The following LEKR1 variants were observed in gnomAD, a reference collection of about 807,000 sequenced individuals.
The protein encoded by LEKR1 is leucine, glutamate and lysine rich 1, also known as protein LEKR1.
Under a neutral mutation model 72.4 loss-of-function variants are expected in LEKR1, and 59 were observed. That is an observed-to-expected ratio of 0.82 (90% CI 0.66 to 1.01). LEKR1 has a LOEUF of 1.01. Ranked by LOEUF, LEKR1 falls within the 50% of genes least tolerant of loss-of-function variation. The probability of loss-of-function intolerance (pLI) is 0.00; values close to 1 mark genes in which losing one functional copy is unlikely to be tolerated. For missense variants in LEKR1, 728 were observed against 759.2 expected (o/e 0.96, Z 0.48); for synonymous variants, 257 against 263.2 (o/e 0.98, Z 0.23).
intron 6 of LEKR1, among the ~76,000 whole-genome samples, chr3:156,950,342 AT>A (rs1297074977): frequency 1.3e-5 from 2 of 151,434 alleles, no homozygotes; most frequent in African/African-American, 4.8e-5. Context: ...TTCCATATGA[AT>A]TTTTAAATAA....
chr3:156,834,015 A>C (rs1049422774), intron 2 of LEKR1, among the ~76,000 whole-genome samples: 1 of 151,814 alleles, frequency 6.6e-6, no homozygotes, highest in Non-Finnish European at 1.5e-5. Flanking sequence ...CCTTTTTATT[A>C]ATGTACTATT....
At chr3:156,872,362 T>A (rs1195681337) in intron 3 of LEKR1, among the ~76,000 whole-genome samples, 2 of 152,046 alleles carry the variant, frequency 1.3e-5, no homozygotes, top group Non-Finnish European at 2.9e-5. Context: ...GTTTGTCAAT[T>A]TTGTTTATCT....
intron 3 of LEKR1, among the ~76,000 whole-genome samples, chr3:156,909,000 C>A (rs1032770850): frequency 6.6e-6 from 1 of 152,094 alleles, no homozygotes; most frequent in Non-Finnish European, 1.5e-5. Context: ...ATCATGGGGG[C>A]AGTTTCCCCC....
chr3:156,827,036 TG>T (rs1243531348), intron 1 of LEKR1: 1 of 153,668 alleles, frequency 6.5e-6, no homozygotes. Context: ...CTGCACCTCT[TG>T]CCAAAGTGCG....
intron 5 of LEKR1, among the ~76,000 whole-genome samples, chr3:156,936,467 C>A (rs9289972): frequency 0.17 from 11,694 of 69,998 alleles, 564 homozygotes; most frequent in Middle Eastern, 0.3. Flanking sequence ...ACACACACAC[C>A]CCCCGTATGC....
chr3:156,957,311 G>A (rs1301835253), intron 6 of LEKR1, among the ~76,000 whole-genome samples: 1 of 151,968 alleles, frequency 6.6e-6, no homozygotes, highest in Non-Finnish European at 1.5e-5. Flanking sequence ...AATTATATGT[G>A]TAATATAATT....
At chr3:156,872,664 G>T (rs1455158786) in intron 3 of LEKR1, among the ~76,000 whole-genome samples, 1 of 151,936 alleles carries the variant, frequency 6.6e-6, no homozygotes, top group African/African-American at 2.4e-5. Flanking sequence ...TTGTTTCAAA[G>T]AAGTTTTTTA....
intron 2 of LEKR1, among the ~76,000 whole-genome samples, chr3:156,844,688 G>A (rs1403889731): frequency 6.6e-6 from 1 of 152,054 alleles, no homozygotes; most frequent in Non-Finnish European, 1.5e-5. Context: ...TGTATCAATA[G>A]TTTATTCCTT....
intron 2 of LEKR1, among the ~76,000 whole-genome samples, chr3:156,833,547 A>C (rs1025547421): frequency 6.6e-6 from 1 of 152,194 alleles, no homozygotes. Context: ...TCTGGAACAC[A>C]TACCAATAAC....
At chr3:156,933,398 T>A (rs1355839433) in intron 5 of LEKR1, among the ~76,000 whole-genome samples, 1 of 152,180 alleles carries the variant, frequency 6.6e-6, no homozygotes, top group African/African-American at 2.4e-5. Flanking sequence ...TCCAAAGTGG[T>A]TGTTCCTTTC....
At chr3:156,893,387 G>A (rs1409392021) in intron 3 of LEKR1, among the ~76,000 whole-genome samples, 2 of 152,126 alleles carry the variant, frequency 1.3e-5, no homozygotes, top group East Asian at 3.8e-4. Context: ...AAAAATAATA[G>A]CATTCAGCTA....
intron 4 of LEKR1, among the ~76,000 whole-genome samples, chr3:156,922,261 A>C (rs991972594): frequency 6.6e-6 from 1 of 152,122 alleles, no homozygotes; most frequent in East Asian, 1.9e-4. Flanking sequence ...GAGTTCAGTG[A>C]CTTTTGTTGC....
At chr3:156,851,596 C>A (rs1715373288) in intron 2 of LEKR1, among the ~76,000 whole-genome samples, 1 of 151,848 alleles carries the variant, frequency 6.6e-6, no homozygotes, top group African/African-American at 2.4e-5. Context: ...TAATCTATAT[C>A]CCATAATACT....
chr3:156,962,193 T>A (rs1017584455), intron 6 of LEKR1, among the ~76,000 whole-genome samples: 3 of 152,176 alleles, frequency 2.0e-5, no homozygotes, highest in Non-Finnish European at 4.4e-5. Flanking sequence ...ACCTGCAAGG[T>A]CTGATTTTCA....
intron 10 of LEKR1, among the ~76,000 whole-genome samples, chr3:157,015,167 A>C (rs1241511954): frequency 6.6e-6 from 1 of 152,122 alleles, no homozygotes; most frequent in Non-Finnish European, 1.5e-5. Flanking sequence ...TCTAGTTTGA[A>C]CTTGTCAGAT....
intron 12 of LEKR1, among the ~76,000 whole-genome samples, chr3:157,040,665 G>C (rs1348574160): frequency 6.6e-6 from 1 of 152,120 alleles, no homozygotes; most frequent in Non-Finnish European, 1.5e-5. Flanking sequence ...CCACCCACCT[G>C]GACAGCCACC....
intron 12 of LEKR1, among the ~76,000 whole-genome samples, chr3:157,032,763 T>A (rs907981365): frequency 7.9e-5 from 12 of 152,140 alleles, no homozygotes; most frequent in Non-Finnish European, 1.6e-4. Flanking sequence ...GATGCAGGCA[T>A]AACTTGTTTT....
rs200845464 is a variant in LEKR1, at chr3:156,861,700, AT to A, written c.263+8719del. On this transcript the variant is annotated intron_variant, in intron 3 of 12. Coordinates refer to ENST00000356539, the MANE Select transcript of LEKR1 (RefSeq NM_001004316.3). ...CCAGTAGACACAGGGCCATTAAAAA[AT>A]AATTTTAAATCTAGAAGTTCATATC... is the stretch of plus-strand genomic sequence containing the variant. Among the ~76,000 whole-genome samples the A allele has an allele frequency of 2.9e-3, 445 of 152,274 alleles. 1 individual carries two copies. The highest frequency in any genetic ancestry group is 1.0e-2 in the African/African-American group (415 of 41,558).
chr3:156,985,436 G>A (rs1420006189), intron 7 of LEKR1, among the ~76,000 whole-genome samples: 1 of 152,160 alleles, frequency 6.6e-6, no homozygotes, highest in Non-Finnish European at 1.5e-5. Flanking sequence ...AAAACATGAA[G>A]GCCAGTTGTA....
Sources: allele counts gnomAD v4.1 joint callset (sites outside exome capture counted in the v4.1 genomes callset), GRCh38; gene constraint gnomAD v4.1.1; transcripts MANE v1.5; gene names NCBI Gene and HGNC (gene_info 2026-07-23, HGNC 2026-07-21).